CDIN1: variants seen among roughly 807,000 people sequenced by gnomAD.
The protein encoded by CDIN1 is CDAN1 interacting nuclease 1.
A neutral mutation model predicts 45.3 loss-of-function variants in CDIN1; 33 were observed. That is an observed-to-expected ratio of 0.73 (90% CI 0.55 to 0.97). The LOEUF is 0.97. Ranked by LOEUF, CDIN1 falls within the 50% of genes least tolerant of loss-of-function variation. The pLI, the probability that CDIN1 is intolerant of heterozygous loss-of-function variation, is 0.00. For missense variants in CDIN1, 303 were observed against 339.4 expected (o/e 0.89, Z 0.84); for synonymous variants, 118 against 124.4 (o/e 0.95, Z 0.34).
At chr15:36,755,329 T>C (rs966703564) in intron 10 of CDIN1, among the ~76,000 whole-genome samples, 3 of 152,074 alleles carry the variant, frequency 2.0e-5, no homozygotes, top group Non-Finnish European at 4.4e-5. Context: ...TTTAATAGCT[T>C]TTTAGGTTCT....
rs745452389 is a variant in CDIN1 at position 36,727,552 on chromosome 15, A to G, written c.716+17591A>G. ...AATCAGTGGACTTTCTCAGTCATCA[A>G]TCTTTTTAGTAGCCTCTTATACATC... On this transcript the variant is annotated intron_variant, in intron 10 of 10. Coordinates refer to ENST00000566621, the MANE Select transcript of CDIN1 (RefSeq NM_001321759.2). Among the ~76,000 whole-genome samples, 13 of 152,318 alleles carry G rather than the reference A, an allele frequency of 8.5e-5. No individual in the cohort carries two copies. In the South Asian group the frequency reaches 1.7e-3, roughly 19 times the overall value.
chr15:36,688,691 A>G (rs1474607905), intron 5 of CDIN1, among the ~76,000 whole-genome samples: 1 of 152,204 alleles, frequency 6.6e-6, no homozygotes, highest in East Asian at 1.9e-4. Context: ...CATAAAAGAC[A>G]CAGGCTTTCT....
intron 1 of CDIN1, among the ~76,000 whole-genome samples, chr15:36,636,470 T>C (rs9635386): frequency 0.23 from 35,072 of 152,114 alleles, 4,462 homozygotes; most frequent in Admixed American, 0.35. Context: ...GAGAATGTCA[T>C]GAACCTGGGA....
intron 1 of CDIN1, among the ~76,000 whole-genome samples, chr15:36,601,790 A>G (rs543133561): frequency 2.0e-5 from 3 of 152,314 alleles, no homozygotes; most frequent in Admixed American, 6.5e-5. Context: ...ACACAGTGCT[A>G]GTGAGCTCTA....
intron 10 of CDIN1, among the ~76,000 whole-genome samples, chr15:36,787,463 TAGA>T (rs371326050): frequency 2.3e-3 from 358 of 152,354 alleles, no homozygotes; most frequent in Middle Eastern, 0.01. Context: ...GATGCAAAGT[TAGA>T]AGGACTACTT....
At chr15:36,802,139 C>T (rs933017825) in intron 10 of CDIN1, among the ~76,000 whole-genome samples, 4 of 152,136 alleles carry the variant, frequency 2.6e-5, no homozygotes, top group South Asian at 2.1e-4. Flanking sequence ...TAGAGCCAGG[C>T]GGCTTGGGTT....
intron 1 of CDIN1, among the ~76,000 whole-genome samples, chr15:36,636,879 AGTAT>A (rs1490163816): frequency 1.3e-5 from 2 of 152,224 alleles, no homozygotes; most frequent in Non-Finnish European, 2.9e-5. Flanking sequence ...ATAGTAAAAG[AGTAT>A]GTAACTTTTA....
intron 5 of CDIN1, among the ~76,000 whole-genome samples, chr15:36,683,334 A>T (rs1333626133): frequency 7.6e-6 from 1 of 131,380 alleles, no homozygotes; most frequent in Non-Finnish European, 1.6e-5. Context: ...TTAAATAGGG[A>T]ATCCTTTCCC....
intron 10 of CDIN1, among the ~76,000 whole-genome samples, chr15:36,756,999 A>G (rs1244219184): frequency 6.6e-6 from 1 of 152,194 alleles, no homozygotes; most frequent in African/African-American, 2.4e-5. Context: ...ATTTCAACGG[A>G]AAGTGAAAAG....
intron 3 of CDIN1, among the ~76,000 whole-genome samples, chr15:36,651,063 A>C (rs1396633755): frequency 4.8e-5 from 7 of 146,884 alleles, no homozygotes; most frequent in Non-Finnish European, 1.1e-4. Flanking sequence ...ACTTCATCTC[A>C]AAAAAAAAAT....
At chr15:36,730,722 T>C (rs1247722253) in intron 10 of CDIN1, among the ~76,000 whole-genome samples, 1 of 152,122 alleles carries the variant, frequency 6.6e-6, no homozygotes, top group East Asian at 1.9e-4. Flanking sequence ...TATTAATCTT[T>C]GATTTTCAGT....
intron 10 of CDIN1, among the ~76,000 whole-genome samples, chr15:36,718,616 A>G (rs1006083072): frequency 4.6e-5 from 7 of 152,166 alleles, no homozygotes; most frequent in African/African-American, 1.7e-4. Flanking sequence ...TCTTAATAAT[A>G]TTAGTAATGA....
intron 10 of CDIN1, among the ~76,000 whole-genome samples, chr15:36,734,139 A>T (rs189692692): frequency 6.6e-6 from 1 of 151,918 alleles, no homozygotes; most frequent in African/African-American, 2.4e-5. Flanking sequence ...TAAAAGGCCT[A>T]CTCTTTTTGA....
intron 10 of CDIN1, among the ~76,000 whole-genome samples, chr15:36,755,576 G>T (rs1008607200): frequency 6.6e-6 from 1 of 151,838 alleles, no homozygotes; most frequent in Non-Finnish European, 1.5e-5. Context: ...TGGTAATTAC[G>T]AGTTTTTCAA....
At chr15:36,744,306 T>G (rs2044343614) in intron 10 of CDIN1, among the ~76,000 whole-genome samples, 2 of 152,202 alleles carry the variant, frequency 1.3e-5, no homozygotes, top group African/African-American at 4.8e-5. Context: ...CATTAGCATC[T>G]TTTTTATGTT....
intron 1 of CDIN1, among the ~76,000 whole-genome samples, chr15:36,612,768 T>C (rs988300719): frequency 6.6e-6 from 1 of 152,202 alleles, no homozygotes; most frequent in Admixed American, 6.5e-5. Flanking sequence ...GTTGTAAAGA[T>C]AGAGAGTTGG....
intron 10 of CDIN1, among the ~76,000 whole-genome samples, chr15:36,717,462 A>G (rs58073972): frequency 3.3e-3 from 510 of 152,248 alleles, no homozygotes; most frequent in African/African-American, 0.011. Flanking sequence ...ACTCAGCATA[A>G]TTATTTCAGG....
intron 5 of CDIN1, among the ~76,000 whole-genome samples, chr15:36,682,099 A>G (rs186692902): frequency 3.2e-4 from 49 of 151,362 alleles, no homozygotes; most frequent in Non-Finnish European, 5.2e-4. Flanking sequence ...GTGTGTGTGT[A>G]ATTGATTTAT....
intron 10 of CDIN1, among the ~76,000 whole-genome samples, chr15:36,789,049 A>T (rs1410475417): frequency 1.3e-5 from 2 of 152,238 alleles, no homozygotes; most frequent in Non-Finnish European, 2.9e-5. Flanking sequence ...ATAATAGCTG[A>T]TGAGCTTTAA....
Sources: allele counts gnomAD v4.1 joint callset (sites outside exome capture counted in the v4.1 genomes callset), GRCh38; gene constraint gnomAD v4.1.1; transcripts MANE v1.5; gene names NCBI Gene and HGNC (gene_info 2026-07-23, HGNC 2026-07-21).